SULT2B1: variants seen among roughly 807,000 people sequenced by gnomAD.
SULT2B1 encodes the protein sulfotransferase family 2B member 1.
In SULT2B1, 16 loss-of-function variants were observed where a neutral mutation model predicts 33.2. The observed-to-expected ratio is 0.48, with a 90% CI of 0.33 to 0.73. SULT2B1 has a LOEUF of 0.73. Ranked by LOEUF, SULT2B1 falls within the 30% of genes least tolerant of loss-of-function variation. The probability of loss-of-function intolerance (pLI) is 0.02; values close to 1 mark genes in which losing one functional copy is unlikely to be tolerated. For synonymous variants in SULT2B1, 186 were observed against 200.5 expected, an observed-to-expected ratio of 0.93 and a Z score of 0.61; for missense variants, 500 against 506.0, an observed-to-expected ratio of 0.99 and a Z score of 0.11.
rs371112055 is a variant in SULT2B1 at position 48,576,044 on chromosome 19, C to A, written c.175C>A (p.Arg59=). 2.6e-5 allele frequency: 42 copies of A among 1,613,196 alleles called. No homozygotes were observed. Among genetic ancestry groups the A allele is most frequent in the Non-Finnish European group, 3.2e-5 (38 of 1,179,700 alleles). The change falls in exon 2 of 7, where the codon CGG becomes AGG. Residue 59 remains arginine (R), a synonymous_variant. Coordinates refer to ENST00000201586, the MANE Select transcript of SULT2B1 (RefSeq NM_177973.2). ...ISLAENTQDV[R]DDDIFIITYP... is the part of the protein sequence containing the mutation. ...CTTGGCGGAGAACACCCAAGATGTG[C>A]GGGACGACGACATCTTTATCATCAC...
chr19:48,561,366 T>C (rs906897556), intron 1 of SULT2B1, among the ~76,000 whole-genome samples: 1 of 149,584 alleles, frequency 6.7e-6, no homozygotes, highest in Non-Finnish European at 1.5e-5. Flanking sequence ...GAGGCAGAGG[T>C]TGCAGTGAGC....
At chr19:48,569,673 G>GTTT (rs1702352283) in intron 1 of SULT2B1, among the ~76,000 whole-genome samples, 71 of 149,310 alleles carry the variant, frequency 4.8e-4, no homozygotes, top group Admixed American at 7.4e-4. Context: ...CTCAAGATTG[G>GTTT]TTTTTTGTTC....
chr19:48,598,462 C>T (rs554433538), intron 6 of SULT2B1, among the ~76,000 whole-genome samples: 2 of 152,126 alleles, frequency 1.3e-5, no homozygotes, highest in East Asian at 1.9e-4. Flanking sequence ...CGTGGTGGTG[C>T]GTGCCTGTAA....
chr19:48,575,528 AG>A (rs1426681656), intron 1 of SULT2B1: 2 of 151,318 alleles, frequency 1.3e-5, no homozygotes, highest in African/African-American at 4.9e-5. Flanking sequence ...CCCAAACTGG[AG>A]TGCAATGGTG....
At chr19:48,591,585 C>A in intron 3 of SULT2B1, 24 bp from the exon 4 acceptor site, 1 of 1,602,592 alleles carries the variant, frequency 6.2e-7, no homozygotes, top group South Asian at 1.1e-5. Flanking sequence ...CGCCTTCTCC[C>A]CTCTCCTCAC....
intron 1 of SULT2B1, among the ~76,000 whole-genome samples, chr19:48,562,456 CAGG>C (rs1057370308): frequency 6.6e-6 from 1 of 150,984 alleles, no homozygotes; most frequent in Non-Finnish European, 1.5e-5. Flanking sequence ...GAGGGTGAGG[CAGG>C]AGAATTGCTT....
chr19:48,575,814 C>T, intron 1 of SULT2B1, 127 bp from the exon 2 acceptor site: 1 of 1,489,096 alleles, frequency 6.7e-7, no homozygotes, highest in Admixed American at 2.3e-5. Context: ...AGTGTCACCA[C>T]TTTACAGAAG....
intron 1 of SULT2B1, among the ~76,000 whole-genome samples, chr19:48,569,029 C>A (rs1601092851): frequency 6.6e-6 from 1 of 152,078 alleles, no homozygotes; most frequent in Admixed American, 6.6e-5. Flanking sequence ...AGATAAATGA[C>A]AAATTTTAGA....
At position 48,574,165 on chromosome 19, in the gene SULT2B1, G is replaced by T. The variant is rs1284358563; in HGVS notation, c.72-1776G>T. ...GTGCAAGCCACTGCGCCCAGCCCTT[G>T]AGGAGTTTTCAAAGTATCCACAGCA... On this transcript the variant is annotated intron_variant, in intron 1 of 6. Coordinates refer to ENST00000201586, the MANE Select transcript of SULT2B1 (RefSeq NM_177973.2). Among the ~76,000 whole-genome samples the T allele has an allele frequency of 3.3e-5, 5 of 152,128 alleles. No individual in the cohort carries two copies. In the East Asian group the frequency reaches 9.6e-4, roughly 29 times the overall value.
intron 1 of SULT2B1, among the ~76,000 whole-genome samples, chr19:48,555,930 G>C (rs1568401602): frequency 6.6e-6 from 1 of 152,082 alleles, no homozygotes; most frequent in Non-Finnish European, 1.5e-5. Flanking sequence ...AGTAGAAACG[G>C]GGTTTCACCA....
intron 1 of SULT2B1, among the ~76,000 whole-genome samples, chr19:48,554,765 G>A (rs983225428): frequency 6.8e-6 from 1 of 147,076 alleles, no homozygotes; most frequent in Non-Finnish European, 1.5e-5. Context: ...CCAGGTTCAG[G>A]TGTATTACCT....
At chr19:48,591,303 T>C (rs536628472) in intron 3 of SULT2B1, 3 of 210,006 alleles carry the variant, frequency 1.4e-5, no homozygotes, top group Admixed American at 5.3e-5. Context: ...AAACCCCATC[T>C]CTACTAAACA....
At chr19:48,596,258 T>G in intron 5 of SULT2B1, 1 of 161,180 alleles carries the variant, frequency 6.2e-6, no homozygotes, top group Non-Finnish European at 1.4e-5. Context: ...GGGTGAGGGG[T>G]ACCCAGAGAG....
chr19:48,594,202 G>A (rs759261952), intron 5 of SULT2B1, among the ~76,000 whole-genome samples: 11 of 151,932 alleles, frequency 7.2e-5, no homozygotes, highest in Admixed American at 1.3e-4. Context: ...TGGAGGTTGC[G>A]GTGAGCCAAG....
intron 2 of SULT2B1, among the ~76,000 whole-genome samples, chr19:48,582,176 A>G (rs1973500733): frequency 6.6e-6 from 1 of 152,096 alleles, no homozygotes; most frequent in Non-Finnish European, 1.5e-5. Context: ...AAGTGCAGGG[A>G]TTACAGGCGT....
chr19:48,574,082 G>A (rs1180693887), intron 1 of SULT2B1, among the ~76,000 whole-genome samples: 2 of 152,046 alleles, frequency 1.3e-5, no homozygotes, highest in African/African-American at 4.8e-5. Flanking sequence ...TGCTGGTCTC[G>A]AACTCCTGGC....
intron 1 of SULT2B1, among the ~76,000 whole-genome samples, chr19:48,564,039 C>T (rs976073498): frequency 2.7e-5 from 4 of 150,842 alleles, no homozygotes; most frequent in African/African-American, 9.8e-5. Context: ...GTCAGGAGAT[C>T]GAGACCATCC....
rs554027770 is a variant in SULT2B1, at chr19:48,590,461, G to C, written c.424-1148G>C. 3.3e-5 allele frequency among the ~76,000 whole-genome samples: 5 copies of C among 152,156 alleles called. No homozygotes were observed. In the East Asian group the frequency reaches 9.9e-4, roughly 30 times the overall value. On this transcript the variant is annotated intron_variant, in intron 3 of 6. Coordinates refer to ENST00000201586, the MANE Select transcript of SULT2B1 (RefSeq NM_177973.2). ...TACTAAAAATACAAAAATTAGCCAG[G>C]CATGGTGGCACCCACCTGTAGTCCC...
chr19:48,564,882 C>A (rs1192021000), intron 1 of SULT2B1, among the ~76,000 whole-genome samples: 1 of 151,966 alleles, frequency 6.6e-6, no homozygotes, highest in Non-Finnish European at 1.5e-5. Flanking sequence ...CCTCTGCCCC[C>A]CAGGTTCAAG....
Sources: gnomAD v4.1 joint callset for allele counts (sites outside exome capture counted in the v4.1 genomes callset) on GRCh38, gnomAD v4.1.1 for gene constraint, MANE v1.5 for transcripts, NCBI Gene and HGNC (gene_info 2026-07-23, HGNC 2026-07-21) for gene names.